TDRD6: variants seen among roughly 807,000 people sequenced by gnomAD.
The protein encoded by TDRD6 is tudor domain-containing protein 6.
Under a neutral mutation model 157.5 loss-of-function variants are expected in TDRD6, and 186 were observed. That is an observed-to-expected ratio of 1.18 (90% CI 1.05 to 1.33). TDRD6 has a LOEUF of 1.33. Ranked by LOEUF, TDRD6 falls within the 40% of genes most tolerant of loss-of-function variation. TDRD6 has a pLI of 0.00. For missense variants in TDRD6, 3,066 were observed against 2,508.0 expected (o/e 1.22, Z -4.75); for synonymous variants, 1,075 against 945.2 (o/e 1.14, Z -2.52).
chr6:46,694,934 GA>G lies in TDRD6; in HGVS notation c.6046+768del, dbSNP rs569120675. Among the ~76,000 whole-genome samples, 85 of 151,640 alleles carry G rather than the reference GA, an allele frequency of 5.6e-4. No individual in the cohort carries two copies. In the South Asian group the frequency reaches 0.011, roughly 19 times the overall value. On this transcript the variant is annotated intron_variant, in intron 1 of 3. Coordinates refer to ENST00000316081, the MANE Select transcript of TDRD6 (RefSeq NM_001010870.3). The stretch of plus-strand genomic sequence containing the variant: ...TTGCAATTCATTAGAAACCCTTAAA[GA>G]AAAAAAATAGATTTAGGTAGCCTAT...
rs750356118 is a variant in TDRD6, at chr6:46,689,011, G to T, written c.883G>T (p.Asp295Tyr). Residue 295 changes from aspartate to tyrosine, a missense_variant, in exon 1 of 4, where the codon GAT (aspartate) becomes TAT (tyrosine). Transcript: ENST00000316081. Reference sequence around the variant, plus strand: ...ATACCGGGGTTCCACGGGGACAGGGGATGAGAACTCTACCAGTGCCACCTG... The same window carrying T: ...ATACCGGGGTTCCACGGGGACAGGGTATGAGAACTCTACCAGTGCCACCTG... ...QVYRGSTGTG[D>Y]ENSTSATWEE... is the part of the protein sequence containing the mutation. 7.4e-6 allele frequency: 12 copies of T among 1,613,906 alleles called. No homozygotes were observed. Among genetic ancestry groups the T allele is most frequent in the Non-Finnish European group, 9.3e-6 (11 of 1,179,856 alleles).
In TDRD6 at chr6:46,688,346, G is replaced by T; in HGVS notation, c.218G>T (p.Cys73Phe). The T allele has an allele frequency of 6.5e-7, 1 of 1,531,516 alleles. No homozygotes were observed. The highest frequency in any genetic ancestry group is 1.2e-5 in the South Asian group (1 of 83,734). 94.9% of individuals were successfully genotyped at this position (1,531,516 alleles called of 1,614,324 possible). The change falls in exon 1 of 4, where the codon TGC (cysteine) becomes TTC (phenylalanine). Residue 73 changes from cysteine to phenylalanine, a missense_variant. Cys to Phe is a radical substitution (Grantham distance 205, BLOSUM62 -2). Coordinates refer to ENST00000316081, the MANE Select transcript of TDRD6 (RefSeq NM_001010870.3). ...GCCTCGGCCTCGCCCGGCGAGCTGT[G>T]CCTGGTGCAGGTCGGGCTTTTGTGG... ...GSASASPGELCLVQVGLLWHR... is the reference protein window; with the variant it reads ...GSASASPGELFLVQVGLLWHR...
At position 46,690,871 on chromosome 6, in the gene TDRD6, C is replaced by CA. The variant is rs765467808; in HGVS notation, c.2750dup (p.Asn917LysfsTer15). On this transcript the variant is annotated frameshift_variant, in exon 1 of 4. Transcript: ENST00000316081. LOFTEE classifies it high-confidence loss of function. ...CAATGAATTTATAGATAATGCATGG[C>CA]AAAAAAATCTAGAATTAAAATGTAC... is the stretch of plus-strand genomic sequence containing the variant. 16 of 1,612,718 alleles carry CA rather than the reference C, an allele frequency of 9.9e-6. No individual in the cohort carries two copies. Among genetic ancestry groups the CA allele is most frequent in the African/African-American group, 5.3e-5 (4 of 74,842 alleles).
At position 46,693,070 on chromosome 6, in the gene TDRD6, C is replaced by T; in HGVS notation, c.4942C>T (p.Gln1648Ter). The T allele has an allele frequency of 6.2e-7, 1 of 1,613,788 alleles. No individual in the cohort carries two copies. Among genetic ancestry groups the T allele is most frequent in the African/African-American group, 1.3e-5 (1 of 74,944 alleles). Residue 1648 changes from glutamine (Q) to a stop codon, truncating the protein, a stop_gained, in exon 1 of 4, where the codon CAA becomes TAA. Transcript: ENST00000316081. LOFTEE classifies it high-confidence loss of function. ...GFNISEGLCS[Q>*]EGNDYFYEII... is the part of the protein sequence containing the mutation. Reference sequence around the variant, plus strand: ...TAACATTTCAGAAGGATTATGTTCTCAAGAGGGAAATGACTATTTCTATGA... The same window carrying T: ...TAACATTTCAGAAGGATTATGTTCTTAAGAGGGAAATGACTATTTCTATGA...
chr6:46,690,464 C>T lies in TDRD6; in HGVS notation c.2336C>T (p.Ser779Phe). ...GGAAGTACAGTAGAAGTCAGAGTGT[C>T]TTATGTTGAAAACCCTGGCTATTTC... ...EVGSTVEVRV[S>F]YVENPGYFWC... The change falls in exon 1 of 4, where the codon TCT becomes TTT. Residue 779 changes from serine (S) to phenylalanine (F), a missense_variant. Coordinates refer to ENST00000316081, the MANE Select transcript of TDRD6 (RefSeq NM_001010870.3). The T allele has an allele frequency of 6.2e-7, 1 of 1,614,124 alleles. No homozygotes were observed. The highest frequency in any genetic ancestry group is 1.1e-5 in the South Asian group (1 of 91,074).
At chr6:46,696,907 G>A (rs906406914) in intron 2 of TDRD6, among the ~76,000 whole-genome samples, 14 of 151,864 alleles carry the variant, frequency 9.2e-5, no homozygotes, top group African/African-American at 9.7e-5. Context: ...CACTGCGCCC[G>A]GCTGTTTTTT....
chr6:46,691,776 G>C lies in TDRD6; in HGVS notation c.3648G>C (p.Gln1216His), dbSNP rs1764331508. ...KEILEESYKP[Q>H]INSSYKELKL... ...TTTTGGAAGAGTCATATAAACCTCAGATCAACTCATCATACAAGGAACTCA... is the reference window on the plus strand; with the variant it reads ...TTTTGGAAGAGTCATATAAACCTCACATCAACTCATCATACAAGGAACTCA... Residue 1216 changes from glutamine to histidine, a missense_variant, in exon 1 of 4, where the codon CAG (glutamine) becomes CAC (histidine). Transcript: ENST00000316081. 12 of 1,599,544 alleles carry C rather than the reference G, an allele frequency of 7.5e-6. No homozygotes were observed. The highest frequency in any genetic ancestry group is 1.0e-5 in the Non-Finnish European group (12 of 1,176,458).
intron 2 of TDRD6, 29 bp downstream of exon 2, chr6:46,695,974 A>G: frequency 1.9e-6 from 3 of 1,602,084 alleles, no homozygotes; most frequent in East Asian, 2.3e-5. Context: ...CTTTATCTCC[A>G]AATGTATTTG....
intron 1 of TDRD6, among the ~76,000 whole-genome samples, chr6:46,695,158 T>G (rs1228947178): frequency 1.3e-5 from 2 of 152,134 alleles, no homozygotes; most frequent in Non-Finnish European, 2.9e-5. Flanking sequence ...AGGAAAATAA[T>G]GGAATAGTGA....
In TDRD6 at chr6:46,693,929, C is replaced by A; in HGVS notation, c.5801C>A (p.Ser1934Tyr). The change falls in exon 1 of 4, where the codon TCC becomes TAC. Residue 1934 changes from serine (S) to tyrosine (Y), a missense_variant. Ser to Tyr is a moderately radical substitution (Grantham distance 144). Transcript: ENST00000316081. ...GGAGTTAGTCAGAAAGCACAGGAAT[C>A]CATGTGTACTGAGGACATGAGAAAG... Reference protein sequence around the residue: ...SLGVSQKAQESMCTEDMRKSS... With the variant: ...SLGVSQKAQEYMCTEDMRKSS... 6.2e-7 allele frequency: 1 copy of A among 1,614,046 alleles called. No individual in the cohort carries two copies. The highest frequency in any genetic ancestry group is 2.2e-5 in the East Asian group (1 of 44,880).
In TDRD6 at chr6:46,688,848, T is replaced by G. The variant is rs1352618377; in HGVS notation, c.720T>G (p.Asp240Glu). ...VPLKQKQPGL[D>E]YFYPQLQLGV... The stretch of plus-strand genomic sequence containing the variant: ...TCAAGCAAAAGCAGCCTGGTCTGGA[T>G]TACTTCTATCCCCAGCTGCAGCTGG... Residue 240 changes from aspartate to glutamate, a missense_variant, in exon 1 of 4, where the codon GAT becomes GAG. Asp to Glu is a conservative substitution (Grantham distance 45, BLOSUM62 2). Coordinates refer to ENST00000316081, the MANE Select transcript of TDRD6 (RefSeq NM_001010870.3). 2.5e-5 allele frequency: 40 copies of G among 1,612,294 alleles called. No homozygotes were observed. Among genetic ancestry groups the G allele is most frequent in the Non-Finnish European group, 3.4e-5 (40 of 1,179,390 alleles).
At position 46,691,357 on chromosome 6, in the gene TDRD6, G is replaced by A; in HGVS notation, c.3229G>A (p.Asp1077Asn). The A allele has an allele frequency of 6.2e-7, 1 of 1,613,996 alleles. No homozygotes were observed. The highest frequency in any genetic ancestry group is 1.6e-4 in the Middle Eastern group (1 of 6,062). The change falls in exon 1 of 4, where the codon GAT becomes AAT. Residue 1077 changes from aspartate (D) to asparagine (N), a missense_variant. By Grantham distance (23) the Asp-to-Asn change is conservative. Transcript: ENST00000316081. ...FGNIYVVTSDDLLPIPSDAYD... is the reference protein window; with the variant it reads ...FGNIYVVTSDNLLPIPSDAYD... ...GAATATTTATGTAGTAACAAGTGAT[G>A]ATCTGCTTCCAATACCTAGTGATGC...
chr6:46,687,925 G>C lies in TDRD6; in HGVS notation c.-204G>C. On this transcript the variant is annotated 5_prime_UTR_variant, in exon 1 of 4. Coordinates refer to ENST00000316081, the MANE Select transcript of TDRD6 (RefSeq NM_001010870.3). The stretch of plus-strand genomic sequence containing the variant: ...ACCTCGGGCGGTTGGAGGGGCTACC[G>C]GGTCTTACCAGTCCGTGGCGGGAGT... 2 of 749,926 alleles carry C rather than the reference G, an allele frequency of 2.7e-6. No homozygotes were observed. Among genetic ancestry groups the C allele is most frequent in the Non-Finnish European group, 3.9e-6 (2 of 512,366 alleles). The allele number at this position is 749,926 out of a possible 1,614,324, so 46.5% of individuals were successfully genotyped here.
the TDRD6 span, among the ~76,000 whole-genome samples, chr6:46,680,572 A>T: frequency 3.3e-5 from 5 of 152,142 alleles, no homozygotes; most frequent in Admixed American, 3.3e-4. Flanking sequence ...CTTCACAGGG[A>T]AGCACAGTCG....
chr6:46,699,997 T>G (rs1764582130), intron 3 of TDRD6, among the ~76,000 whole-genome samples: 1 of 152,166 alleles, frequency 6.6e-6, no homozygotes, highest in Non-Finnish European at 1.5e-5. Context: ...TCAATGAATA[T>G]CTCTCTTTAT....
At chr6:46,698,511 T>G (rs1338011443) in intron 3 of TDRD6, among the ~76,000 whole-genome samples, 1 of 152,224 alleles carries the variant, frequency 6.6e-6, no homozygotes, top group Non-Finnish European at 1.5e-5. Flanking sequence ...ACACAATTGA[T>G]TTCATCCTAT....
upstream of TDRD6, among the ~76,000 whole-genome samples, chr6:46,683,582 A>G (rs1764013319): frequency 6.6e-6 from 1 of 152,156 alleles, no homozygotes; most frequent in Admixed American, 6.5e-5. Context: ...ACAATATGAA[A>G]GTGTGAGTTT....
In TDRD6 at chr6:46,703,360, TG is replaced by T. The variant is rs906461823; in HGVS notation, c.*1474del. 20 of 152,196 alleles carry T rather than the reference TG, an allele frequency of 1.3e-4. No individual in the cohort carries two copies. The highest frequency in any genetic ancestry group is 1.2e-3 in the Admixed American group (19 of 15,270). The allele number at this position is 152,196 out of a possible 1,614,324, so 9.4% of individuals were successfully genotyped here. On this transcript the variant is annotated 3_prime_UTR_variant, in exon 4 of 4. Transcript: ENST00000316081. ...AGTATATTACTTATTCCTGGAATAA[TG>T]AATAGACAAGTTTGGCTTACTCATA...
In TDRD6 at chr6:46,691,452, A is replaced by G; in HGVS notation, c.3324A>G (p.Pro1108=). 1 of 1,614,102 alleles carries G rather than the reference A, an allele frequency of 6.2e-7. No homozygotes were observed. The highest frequency in any genetic ancestry group is 8.5e-7 in the Non-Finnish European group (1 of 1,179,964). The part of the protein sequence containing the change: ...CSLSDIPDHI[P]EEVVVWFQET... ...TATCTGATATTCCTGATCATATACCAGAAGAAGTGGTGGTGTGGTTTCAGG... is the reference window on the plus strand; with the variant it reads ...TATCTGATATTCCTGATCATATACCGGAAGAAGTGGTGGTGTGGTTTCAGG... Residue 1108 remains proline, a synonymous_variant, in exon 1 of 4, where the codon CCA becomes CCG. Transcript: ENST00000316081.
Sources: allele counts gnomAD v4.1 joint callset (sites outside exome capture counted in the v4.1 genomes callset), GRCh38; gene constraint gnomAD v4.1.1; transcripts MANE v1.5; gene names NCBI Gene and HGNC (gene_info 2026-07-23, HGNC 2026-07-21).